The following OSTN variants were observed in gnomAD, a reference collection of about 807,000 sequenced individuals.
OSTN encodes osteocrin.
Under a neutral mutation model 12.0 loss-of-function variants are expected in OSTN, and 9 were observed. That is an observed-to-expected ratio of 0.75 (90% CI 0.45 to 1.30). OSTN has a LOEUF of 1.30. OSTN is among the 50% of genes most tolerant of loss of function. The probability of loss-of-function intolerance (pLI) is 0.00; values close to 1 mark genes in which losing one functional copy is unlikely to be tolerated. For missense variants in OSTN, 148 were observed against 152.3 expected (o/e 0.97, Z 0.15); for synonymous variants, 59 against 56.9 (o/e 1.04, Z -0.16).
chr3:191,216,243 C>G (rs1173976689), intron 2 of OSTN, among the ~76,000 whole-genome samples: 2 of 152,130 alleles, frequency 1.3e-5, no homozygotes, highest in Admixed American at 1.3e-4. Flanking sequence ...GCACCAAGTC[C>G]CAAGACTGCA....
At chr3:191,258,502 G>C (rs1715726324) in intron 4 of OSTN, among the ~76,000 whole-genome samples, 2 of 148,228 alleles carry the variant, frequency 1.3e-5, no homozygotes, top group Non-Finnish European at 3.0e-5. Context: ...GGCGTAGGAG[G>C]CAAGGGGAGG....
At chr3:191,247,447 T>C (rs1389076787) in intron 3 of OSTN, among the ~76,000 whole-genome samples, 3 of 152,156 alleles carry the variant, frequency 2.0e-5, no homozygotes, top group African/African-American at 7.2e-5. Context: ...AATACTTTTT[T>C]CCTAGTTTTT....
At chr3:191,238,872 A>G (rs905394822) in intron 3 of OSTN, among the ~76,000 whole-genome samples, 2 of 152,234 alleles carry the variant, frequency 1.3e-5, no homozygotes, top group African/African-American at 4.8e-5. Context: ...TTCTCCCAAA[A>G]GGGATAATAC....
intron 3 of OSTN, among the ~76,000 whole-genome samples, chr3:191,245,694 T>C (rs529215624): frequency 7.7e-4 from 118 of 152,310 alleles, no homozygotes; most frequent in Non-Finnish European, 1.5e-3. Context: ...TTTTCACTTA[T>C]TTACCTTCAT....
intron 1 of OSTN, among the ~76,000 whole-genome samples, chr3:191,205,867 G>GA (rs1714261643): frequency 6.6e-6 from 1 of 151,572 alleles, no homozygotes; most frequent in Admixed American, 6.6e-5. Flanking sequence ...TGCATGATAG[G>GA]AAAAAAAAGA....
Position 191,263,182 on chromosome 3 carries a change from T to C in OSTN, c.*329T>C. On this transcript the variant is annotated 3_prime_UTR_variant, in exon 5 of 5. Transcript: ENST00000682035. The stretch of plus-strand genomic sequence containing the variant: ...CTTCTGTATGGATTTACCATGCACA[T>C]GTTTGTAGTCAAAGAATAATAACAA... 3.7e-6 allele frequency: 1 copy of C among 269,138 alleles called. No individual in the cohort carries two copies. Among genetic ancestry groups the C allele is most frequent in the Middle Eastern group, 1.1e-3 (1 of 926 alleles). The allele number at this position is 269,138 out of a possible 1,614,324, so 16.7% of individuals were successfully genotyped here.
At chr3:191,205,892 A>G (rs1419673951) in intron 1 of OSTN, among the ~76,000 whole-genome samples, 1 of 152,192 alleles carries the variant, frequency 6.6e-6, no homozygotes, top group Non-Finnish European at 1.5e-5. Flanking sequence ...TAAGAAAAAA[A>G]TCCTAAGTAA....
At chr3:191,216,314 C>A (rs1049440394) in intron 2 of OSTN, among the ~76,000 whole-genome samples, 2 of 152,190 alleles carry the variant, frequency 1.3e-5, no homozygotes, top group African/African-American at 4.8e-5. Context: ...GGCCGCTGGG[C>A]CTGTGATGGG....
At chr3:191,232,494 ATAAAG>A (rs1328741415) in intron 3 of OSTN, among the ~76,000 whole-genome samples, 2 of 145,620 alleles carry the variant, frequency 1.4e-5, no homozygotes, top group Non-Finnish European at 3.0e-5. Flanking sequence ...TTCTATATTC[ATAAAG>A]TAAATGCTAT....
chr3:191,218,548 G>A (rs1045411296), intron 2 of OSTN, among the ~76,000 whole-genome samples, 199 bp from the exon 3 acceptor site: 3 of 152,132 alleles, frequency 2.0e-5, no homozygotes, highest in Non-Finnish European at 4.4e-5. Flanking sequence ...GCTTGAACCT[G>A]GGAAGTGGAC....
At chr3:191,203,953 T>A (rs931335145) in intron 1 of OSTN, among the ~76,000 whole-genome samples, 4 of 152,206 alleles carry the variant, frequency 2.6e-5, no homozygotes, top group Non-Finnish European at 1.5e-5. Flanking sequence ...AATGGCGCAA[T>A]CTCGGCTCAC....
intron 3 of OSTN, among the ~76,000 whole-genome samples, chr3:191,222,017 G>A (rs1355307489): frequency 3.3e-5 from 5 of 152,226 alleles, no homozygotes; most frequent in East Asian, 1.9e-4. Context: ...AAGCCTTGGC[G>A]GCTTCCACAT....
At chr3:191,203,592 C>T (rs532997711) in intron 1 of OSTN, among the ~76,000 whole-genome samples, 1 of 152,270 alleles carries the variant, frequency 6.6e-6, no homozygotes, top group South Asian at 2.1e-4. Context: ...AGTAACTTAT[C>T]ATTCTTCCTA....
chr3:191,257,399 C>T (rs893405660), intron 4 of OSTN, among the ~76,000 whole-genome samples: 4 of 151,934 alleles, frequency 2.6e-5, no homozygotes, highest in African/African-American at 9.7e-5. Context: ...ATTTTAATTA[C>T]ATATCAGATG....
intron 3 of OSTN, among the ~76,000 whole-genome samples, chr3:191,222,895 T>G (rs1714805511): frequency 6.6e-6 from 1 of 152,076 alleles, no homozygotes; most frequent in Admixed American, 6.6e-5. Context: ...TTCCCTCCCT[T>G]TTGCTCTGCA....
chr3:191,209,457 C>T lies in OSTN; in HGVS notation c.1-3076C>T, dbSNP rs570821724. Among the ~76,000 whole-genome samples the T allele has an allele frequency of 9.9e-5, 15 of 152,066 alleles. No individual in the cohort carries two copies. The South Asian group carries it at 1.9e-3, about 19-fold the overall frequency. Reference sequence around the variant, plus strand: ...AATCTCAGTTCAAATATCAAGTTAGCGAAAAGAGAACACAGAATTTATTGC... The same window carrying T: ...AATCTCAGTTCAAATATCAAGTTAGTGAAAAGAGAACACAGAATTTATTGC... On this transcript the variant is annotated intron_variant, in intron 1 of 4. Transcript: ENST00000682035.
chr3:191,236,202 CT>C (rs1281924088), intron 3 of OSTN, among the ~76,000 whole-genome samples: 2 of 152,152 alleles, frequency 1.3e-5, no homozygotes, highest in African/African-American at 2.4e-5. Context: ...TACTTTCTCT[CT>C]TTCTGTCTCT....
intron 1 of OSTN, among the ~76,000 whole-genome samples, 170 bp from the exon 2 acceptor site, chr3:191,212,363 T>C (rs1482124193): frequency 6.6e-6 from 1 of 152,212 alleles, no homozygotes; most frequent in Non-Finnish European, 1.5e-5. Context: ...TTCTGGGAGA[T>C]GGACAGCTTC....
intron 4 of OSTN, among the ~76,000 whole-genome samples, chr3:191,260,829 A>C (rs936870373): frequency 6.6e-6 from 1 of 152,206 alleles, no homozygotes; most frequent in Non-Finnish European, 1.5e-5. Flanking sequence ...ACAACACAGA[A>C]AGACAGAGAC....
Sources: gnomAD v4.1 joint callset for allele counts (sites outside exome capture counted in the v4.1 genomes callset) on GRCh38, gnomAD v4.1.1 for gene constraint, MANE v1.5 for transcripts, NCBI Gene and HGNC (gene_info 2026-07-23, HGNC 2026-07-21) for gene names.